The following RBPJ variants were observed in gnomAD, a reference collection of about 807,000 sequenced individuals.
RBPJ encodes recombining binding protein suppressor of hairless.
Under a neutral mutation model 67.8 loss-of-function variants are expected in RBPJ, and 9 were observed. That is an observed-to-expected ratio of 0.13 (90% CI 0.08 to 0.23). RBPJ has a LOEUF of 0.23. RBPJ is among the 10% of genes least tolerant of loss of function. The pLI is 1.00. For synonymous variants in RBPJ, 198 were observed against 203.3 expected (o/e 0.97, Z 0.22); for missense variants, 305 against 595.6 (o/e 0.51, Z 5.08).
chr4:26,313,818 A>C (rs1722517101), intron 1 of RBPJ, among the ~76,000 whole-genome samples: 1 of 152,164 alleles, frequency 6.6e-6, no homozygotes, highest in African/African-American at 2.4e-5. Flanking sequence ...CCTGGGCATC[A>C]AGAGCGAAAC....
At chr4:26,429,533 T>C (rs1338711393) in intron 8 of RBPJ, among the ~76,000 whole-genome samples, 1 of 152,210 alleles carries the variant, frequency 6.6e-6, no homozygotes, top group Non-Finnish European at 1.5e-5. Context: ...AGGAGTCCCA[T>C]TGTCTTTCTT....
At chr4:26,155,463 C>A in the RBPJ span, among the ~76,000 whole-genome samples, 1 of 133,452 alleles carries the variant, frequency 7.5e-6, no homozygotes, top group South Asian at 2.3e-4. Context: ...CAGACAGAGT[C>A]TTGCTCTGTT....
chr4:26,135,118 C>G, the RBPJ span, among the ~76,000 whole-genome samples: 1 of 152,158 alleles, frequency 6.6e-6, no homozygotes, highest in African/African-American at 2.4e-5. Flanking sequence ...ATTCTGTACC[C>G]TGGGGATCTG....
At chr4:26,361,780 C>T (rs1326489737) in intron 1 of RBPJ, among the ~76,000 whole-genome samples, 3 of 152,066 alleles carry the variant, frequency 2.0e-5, no homozygotes, top group Non-Finnish European at 4.4e-5. Flanking sequence ...GTGATACATA[C>T]ACTTCTTACT....
the RBPJ span, among the ~76,000 whole-genome samples, chr4:26,115,957 A>AC: frequency 1.3e-5 from 2 of 151,326 alleles, no homozygotes; most frequent in African/African-American, 4.9e-5. Context: ...AAAAAAAAAA[A>AC]CTCTACAATA....
At chr4:26,124,428 A>ATATATATATG in the RBPJ span, among the ~76,000 whole-genome samples, 5 of 47,032 alleles carry the variant, frequency 1.1e-4, no homozygotes, top group East Asian at 1.8e-3. Context: ...ATATATATAT[A>ATATATATATG]TATATATATA....
At chr4:26,182,776 G>A (rs553160198) in intron 1 of RBPJ, among the ~76,000 whole-genome samples, 7 of 152,094 alleles carry the variant, frequency 4.6e-5, no homozygotes, top group African/African-American at 1.7e-4. Flanking sequence ...TGCGATTACC[G>A]GTGTGAGCCA....
intron 3 of RBPJ, among the ~76,000 whole-genome samples, chr4:26,406,984 C>CT (rs1349905909): frequency 6.6e-6 from 1 of 152,142 alleles, no homozygotes; most frequent in East Asian, 1.9e-4. Context: ...TGGAACTTTT[C>CT]TACTTTCTAC....
At chr4:26,308,065 A>C (rs1415203875) in intron 1 of RBPJ, among the ~76,000 whole-genome samples, 1 of 152,226 alleles carries the variant, frequency 6.6e-6, no homozygotes, top group African/African-American at 2.4e-5. Context: ...TCATGAGGTC[A>C]GGAGATGGAG....
chr4:26,186,006 A>G (rs2109134740), intron 1 of RBPJ, among the ~76,000 whole-genome samples: 1 of 152,250 alleles, frequency 6.6e-6, no homozygotes, highest in Admixed American at 6.5e-5. Flanking sequence ...AGATGGCGCC[A>G]TTGCACTCCA....
Position 26,388,610 on chromosome 4 carries a change from T to A in RBPJ, c.59+2219T>A, listed in dbSNP as rs983734662. 6.3e-4 allele frequency among the ~76,000 whole-genome samples: 94 copies of A among 149,954 alleles called. 1 individual carries two copies. Among genetic ancestry groups the A allele is most frequent in the Middle Eastern group, 6.9e-3 (2 of 290 alleles). Reference sequence around the variant, plus strand: ...CATAGAAGATTACACACACACTCTCTCTCTCTCTCTCTCTCTCAAATTAAA... The same window carrying A: ...CATAGAAGATTACACACACACTCTCACTCTCTCTCTCTCTCTCAAATTAAA... On this transcript the variant is annotated intron_variant, in intron 2 of 10. Coordinates refer to ENST00000355476, the MANE Select transcript of RBPJ (RefSeq NM_015874.6).
chr4:26,415,126 G>A (rs1734434223), intron 3 of RBPJ, among the ~76,000 whole-genome samples: 1 of 152,204 alleles, frequency 6.6e-6, no homozygotes, highest in South Asian at 2.1e-4. Context: ...TTTTTGTGGT[G>A]GTTTATCGTG....
At chr4:26,240,315 C>T (rs1407141200) in intron 1 of RBPJ, among the ~76,000 whole-genome samples, 1 of 152,168 alleles carries the variant, frequency 6.6e-6, no homozygotes, top group Non-Finnish European at 1.5e-5. Flanking sequence ...TTACTTTTTG[C>T]CATTCCCTGG....
At chr4:26,155,934 A>G in the RBPJ span, among the ~76,000 whole-genome samples, 1 of 152,116 alleles carries the variant, frequency 6.6e-6, no homozygotes, top group South Asian at 2.1e-4. Context: ...TTCCCATTTT[A>G]TCTGTGTAAT....
intron 3 of RBPJ, among the ~76,000 whole-genome samples, chr4:26,407,883 C>CTTTTTTTTTTTTTTTTT (rs61575988): frequency 4.7e-5 from 3 of 63,622 alleles, no homozygotes; most frequent in African/African-American, 2.0e-4. Context: ...AGCTTTCTTT[C>CTTTTTTTTTTTTTTTTT]TTTTTTTTTT....
chr4:26,415,927 G>C, intron 4 of RBPJ, among the ~76,000 whole-genome samples: 1 of 152,196 alleles, frequency 6.6e-6, no homozygotes, highest in East Asian at 1.9e-4. Flanking sequence ...ATAAATTTAG[G>C]AGGCTGATTG....
chr4:26,266,734 G>A (rs1720715937), intron 1 of RBPJ, among the ~76,000 whole-genome samples: 1 of 152,102 alleles, frequency 6.6e-6, no homozygotes, highest in Non-Finnish European at 1.5e-5. Context: ...GGGGTAGCAT[G>A]TCCTGAGCCC....
upstream of RBPJ, among the ~76,000 whole-genome samples, chr4:26,159,804 G>A (rs1716043798): frequency 6.6e-6 from 1 of 152,180 alleles, no homozygotes; most frequent in Admixed American, 6.5e-5. Flanking sequence ...AGCTGGCCAA[G>A]TGGCTCTTCC....
At chr4:26,120,705 T>A in the RBPJ span, among the ~76,000 whole-genome samples, 36 of 137,696 alleles carry the variant, frequency 2.6e-4, 1 homozygote, top group African/African-American at 8.7e-4. Context: ...CTCAAGACCA[T>A]TTTCTCAACT....
Sources: allele counts gnomAD v4.1 joint callset (sites outside exome capture counted in the v4.1 genomes callset), GRCh38; gene constraint gnomAD v4.1.1; transcripts MANE v1.5; gene names NCBI Gene and HGNC (gene_info 2026-07-23, HGNC 2026-07-21).